Variants in GSTT4 observed in about 807,000 individuals in gnomAD.
GSTT4 encodes the protein glutathione S-transferase theta 4.
intron 4 of GSTT4, among the ~76,000 whole-genome samples, chr22:23,999,237 C>A (rs390683): frequency 0.015 from 1,409 of 91,342 alleles, no homozygotes; most frequent in Middle Eastern, 0.055. Context: ...TTGGGAAGCC[C>A]AAGAATGGGT....
At chr22:23,992,038 G>A in the GSTT4 span, among the ~76,000 whole-genome samples, 1 of 115,862 alleles carries the variant, frequency 8.6e-6, no homozygotes, top group Non-Finnish European at 1.8e-5. Context: ...GGGCGACAGA[G>A]CCATACTCCG....
chr22:23,999,090 G>C (rs529155081), intron 4 of GSTT4, among the ~76,000 whole-genome samples: 2 of 152,302 alleles, frequency 1.3e-5, no homozygotes, highest in African/African-American at 4.8e-5. Context: ...TGTGGATGAG[G>C]GAGAGAACTC....
chr22:23,996,844 A>G (rs765331599), downstream of GSTT4, among the ~76,000 whole-genome samples: 10 of 152,146 alleles, frequency 6.6e-5, no homozygotes, highest in Non-Finnish European at 1.0e-4. Flanking sequence ...TTCTGGCCTC[A>G]TAGTATGAGT....
chr22:23,993,743 T>C (rs2034089548), downstream of GSTT4, among the ~76,000 whole-genome samples: 1 of 152,182 alleles, frequency 6.6e-6, no homozygotes, highest in African/African-American at 2.4e-5. Context: ...AATCTCTACC[T>C]GGGCTCTTGT....
intron 4 of GSTT4, among the ~76,000 whole-genome samples, chr22:23,999,327 GC>G (rs2034176105): frequency 1.3e-5 from 2 of 151,692 alleles, no homozygotes; most frequent in Admixed American, 1.3e-4. Context: ...TTTTCCTGGT[GC>G]TGGTCTGCCC....
downstream of GSTT4, among the ~76,000 whole-genome samples, chr22:23,995,141 G>GT (rs1326029403): frequency 3.7e-4 from 52 of 141,208 alleles, no homozygotes; most frequent in East Asian, 2.4e-3. Flanking sequence ...TTGTTTGTTT[G>GT]TTTTTTTTTT....
chr22:23,994,063 AG>A (rs2034093502), downstream of GSTT4, among the ~76,000 whole-genome samples: 1 of 152,224 alleles, frequency 6.6e-6, no homozygotes, highest in Non-Finnish European at 1.5e-5. Flanking sequence ...TCTTACTCCA[AG>A]ATGGCCAAAT....
At position 24,000,156 on chromosome 22, in the gene GSTT4, C is replaced by T. The variant is rs910500417; in HGVS notation, c.447G>A (p.Glu149=). 1 of 155,244 alleles carries T rather than the reference C, an allele frequency of 6.4e-6. No individual in the cohort carries two copies. The highest frequency in any genetic ancestry group is 2.4e-5 in the African/African-American group (1 of 41,516). 9.6% of individuals were successfully genotyped at this position (155,244 alleles called of 1,614,324 possible). A position where few individuals can be genotyped will look rare whatever the true frequency, so the allele number is the denominator to read the frequency against. Residue 149 remains glutamate (E), a synonymous_variant, in exon 4 of 5, where the codon GAG becomes GAA. Coordinates refer to ENST00000621179, the MANE Select transcript of GSTT4 (RefSeq NM_001358664.2). ...TGAACATCTTATCCTGCAGAAAATA[C>T]TCCTCAAAGAGCTGCAGGCTGTTCT... ...EVKNSLQLFE[E]YFLQDKMFIT...
chr22:23,995,131 T>C (rs1055427356), downstream of GSTT4, among the ~76,000 whole-genome samples: 1 of 138,608 alleles, frequency 7.2e-6, no homozygotes, highest in Non-Finnish European at 1.6e-5. Context: ...AGTTTTTTTT[T>C]TGTTTGTTTG....
chr22:23,989,855 A>G, the GSTT4 span, among the ~76,000 whole-genome samples: 1 of 149,854 alleles, frequency 6.7e-6, no homozygotes, highest in Non-Finnish European at 1.5e-5. Flanking sequence ...CAGTCTGATC[A>G]TAGGCCTACA....
chr22:23,992,507 G>T, the GSTT4 span, among the ~76,000 whole-genome samples: 1 of 150,162 alleles, frequency 6.7e-6, no homozygotes, highest in Non-Finnish European at 1.5e-5. Flanking sequence ...ACCATACAAG[G>T]ATGTGAATAG....
intron 3 of GSTT4, 91 bp from the exon 4 acceptor site, chr22:24,000,342 A>T (rs2034202504): frequency 6.6e-6 from 1 of 151,182 alleles, no homozygotes; most frequent in South Asian, 2.1e-4. Flanking sequence ...TGCTGGATAG[A>T]TATTGAACAC....
In GSTT4 at chr22:24,002,368, C is replaced by T. The variant is rs1024822142; in HGVS notation, c.201-1043G>A. Among the ~76,000 whole-genome samples, 22 of 152,350 alleles carry T rather than the reference C, an allele frequency of 1.4e-4. No individual in the cohort carries two copies. The South Asian group carries it at 3.3e-3, about 23-fold the overall frequency. ...AAGGGGATGGAGGGGAGACATGCTTCGGAGGGGATGTCCTAGGCCTTGCTG... is the reference window on the plus strand; with the variant it reads ...AAGGGGATGGAGGGGAGACATGCTTTGGAGGGGATGTCCTAGGCCTTGCTG... On this transcript the variant is annotated intron_variant, in intron 2 of 4. Transcript: ENST00000621179.
chr22:23,991,548 G>C, the GSTT4 span: 1 of 66,762 alleles, frequency 1.5e-5, no homozygotes, highest in Admixed American at 1.5e-4. Flanking sequence ...GGTTGGGGGC[G>C]GCGGACAGGA....
the GSTT4 span, among the ~76,000 whole-genome samples, chr22:23,989,900 G>A: frequency 4.0e-5 from 6 of 150,738 alleles, no homozygotes; most frequent in East Asian, 2.0e-4. Context: ...GAATGGACAT[G>A]CACACCCCTG....
downstream of GSTT4, among the ~76,000 whole-genome samples, chr22:23,993,628 CCTT>C (rs1427329354): frequency 6.6e-6 from 1 of 152,206 alleles, no homozygotes; most frequent in African/African-American, 2.4e-5. Flanking sequence ...CCCAATGTCT[CCTT>C]CTCTCTGTGT....
downstream of GSTT4, among the ~76,000 whole-genome samples, chr22:23,995,519 C>A (rs886582265): frequency 2.6e-5 from 4 of 152,166 alleles, no homozygotes; most frequent in African/African-American, 4.8e-5. Flanking sequence ...CTTCATCAGA[C>A]CCTGAGATTC....
chr22:23,995,377 T>A (rs552325990), downstream of GSTT4, among the ~76,000 whole-genome samples: 22 of 152,280 alleles, frequency 1.4e-4, no homozygotes, highest in Non-Finnish European at 2.8e-4. Context: ...AGCGTACACT[T>A]CCTTGTATGC....
intron 3 of GSTT4, among the ~76,000 whole-genome samples, chr22:24,000,647 C>T (rs964690061): frequency 2.8e-5 from 4 of 144,956 alleles, no homozygotes; most frequent in Non-Finnish European, 5.9e-5. Context: ...CCAACTCCAA[C>T]TCCTGGGTTC....
Sources: allele counts gnomAD v4.1 joint callset (sites outside exome capture counted in the v4.1 genomes callset), GRCh38; gene constraint gnomAD v4.1.1; transcripts MANE v1.5; gene names NCBI Gene and HGNC (gene_info 2026-07-23, HGNC 2026-07-21).